The following DNM1 variants were observed in gnomAD, a reference collection of about 807,000 sequenced individuals.
DNM1 encodes dynamin-1.
Under a neutral mutation model 104.6 loss-of-function variants are expected in DNM1, and 29 were observed. The observed-to-expected ratio is 0.28, with a 90% CI of 0.21 to 0.38. DNM1 has a LOEUF of 0.38. Ranked by LOEUF, DNM1 falls within the 10% of genes least tolerant of loss-of-function variation. The pLI, the probability that DNM1 is intolerant of heterozygous loss-of-function variation, is 1.00. For synonymous variants in DNM1, 445 were observed against 475.8 expected (o/e 0.94, Z 0.84); for missense variants, 640 against 1,189.4 (o/e 0.54, Z 6.79).
intron 1 of DNM1, among the ~76,000 whole-genome samples, chr9:128,213,109 T>C (rs1834401616): frequency 1.3e-5 from 2 of 152,262 alleles, no homozygotes; most frequent in South Asian, 4.1e-4. Context: ...TGAGATAGAG[T>C]CTCACTCTGT....
At chr9:128,205,075 G>A (rs1393385732) in intron 1 of DNM1, among the ~76,000 whole-genome samples, 2 of 152,154 alleles carry the variant, frequency 1.3e-5, no homozygotes, top group Admixed American at 1.3e-4. Context: ...TGCCCATCTG[G>A]TCAGCAGAGG....
intron 11 of DNM1, among the ~76,000 whole-genome samples, chr9:128,234,327 C>T (rs1835878029): frequency 6.6e-6 from 1 of 152,246 alleles, no homozygotes; most frequent in Non-Finnish European, 1.5e-5. Flanking sequence ...TTCAGTGGCA[C>T]TAAGTACATT....
At chr9:128,209,458 T>C (rs1834164170) in intron 1 of DNM1, among the ~76,000 whole-genome samples, 1 of 151,956 alleles carries the variant, frequency 6.6e-6, no homozygotes, top group South Asian at 2.1e-4. Context: ...CTGTCAGGCG[T>C]GGAGAAACGG....
chr9:128,221,725 G>T (rs1191333115), intron 6 of DNM1, among the ~76,000 whole-genome samples: 1 of 151,934 alleles, frequency 6.6e-6, no homozygotes, highest in Non-Finnish European at 1.5e-5. Flanking sequence ...GCGAAAACCT[G>T]TACTAAAAAT....
At position 128,224,846 on chromosome 9, in the gene DNM1, T is replaced by A. The variant is rs971157292; in HGVS notation, c.1335+457T>A. 1.3e-5 allele frequency among the ~76,000 whole-genome samples: 2 copies of A among 152,130 alleles called. No homozygotes were observed. Among genetic ancestry groups the A allele is most frequent in the Non-Finnish European group, 1.5e-5 (1 of 68,002 alleles). On this transcript the variant is annotated intron_variant, in intron 10 of 21. Transcript: ENST00000372923. This position sits in a 1 kb window ranked among gnomAD's most constrained non-coding sequence, Gnocchi z 4.3. ...AGAGGGGGTGCAGAGGACCCAGGAC[T>A]AGCAGGTGCCCTGGCTCCCCGCTGT...
Position 128,203,611 on chromosome 9 carries a change from G to T in DNM1, c.141G>T (p.Val47=), listed in dbSNP as rs1269297218. ...VGGQSAGKSS[V]LENFVGRDFL... is the part of the protein sequence containing the mutation. ...GCCAGAGCGCCGGCAAGAGCTCGGT[G>T]CTCGAGAATTTCGTAGGCAGGTAGG... Residue 47 remains valine (V), a synonymous_variant, in exon 1 of 22, where the codon GTG becomes GTT. Coordinates refer to ENST00000372923, the MANE Select transcript of DNM1 (RefSeq NM_004408.4). This position sits in a 1 kb window ranked among gnomAD's most constrained non-coding sequence, Gnocchi z 5.3. 6 of 1,542,448 alleles carry T rather than the reference G, an allele frequency of 3.9e-6. No individual in the cohort carries two copies. The highest frequency in any genetic ancestry group is 1.9e-5 in the Admixed American group (1 of 51,418).
Position 128,247,514 on chromosome 9 carries a change from G to C in DNM1, c.1893+28G>C. On this transcript the variant is annotated intron_variant, in intron 17 of 21. Coordinates refer to ENST00000372923, the MANE Select transcript of DNM1 (RefSeq NM_004408.4). The surrounding 1 kb of genome is among the most constrained non-coding windows in gnomAD (Gnocchi z 5.1). ...GAGTGGCAGGGCAAGGAGAGGAAGG[G>C]CAAGCATGATCCTAGGGCCCCTGGG... The C allele has an allele frequency of 6.5e-7, 1 of 1,548,396 alleles. No homozygotes were observed. The highest frequency in any genetic ancestry group is 8.9e-7 in the Non-Finnish European group (1 of 1,125,612).
intron 15 of DNM1, among the ~76,000 whole-genome samples, chr9:128,242,826 G>A (rs1836459506): frequency 6.6e-6 from 1 of 152,190 alleles, no homozygotes; most frequent in African/African-American, 2.4e-5. Flanking sequence ...TGGGGGTTCA[G>A]GGGGAGGCAC....
At chr9:128,244,726 G>A (rs1836648692) in intron 15 of DNM1, 1 of 532,508 alleles carries the variant, frequency 1.9e-6, no homozygotes, top group Non-Finnish European at 3.9e-6. Context: ...CGGTGCCGAG[G>A]GTCTAACCCA....
chr9:128,234,241 ACT>A (rs1455347379), intron 11 of DNM1, 134 bp downstream of exon 11: 6 of 697,036 alleles, frequency 8.6e-6, no homozygotes, highest in South Asian at 7.8e-5. Context: ...TCTCATACTG[ACT>A]CTCTGCTTCT....
chr9:128,236,991 T>C (rs1836055021), intron 11 of DNM1, among the ~76,000 whole-genome samples: 1 of 152,254 alleles, frequency 6.6e-6, no homozygotes, highest in Admixed American at 6.5e-5. Flanking sequence ...CCTTGCCTTT[T>C]TCCTCTGAAG....
rs77280598 is a variant in DNM1 at position 128,243,524 on chromosome 9, G to C, written c.1671+1179G>C. Among the ~76,000 whole-genome samples the C allele has an allele frequency of 6.6e-6, 1 of 152,356 alleles. No homozygotes were observed. Among genetic ancestry groups the C allele is most frequent in the South Asian group, 2.1e-4 (1 of 4,834 alleles). On this transcript the variant is annotated intron_variant, in intron 15 of 21. Transcript: ENST00000372923. This position sits in a 1 kb window ranked among gnomAD's most constrained non-coding sequence, Gnocchi z 4.0. ...GGAGGGGCCCTCTGTCGTCACTGGC[G>C]GGGGCGCCAAGCCATCTGGACCTCA...
intron 1 of DNM1, among the ~76,000 whole-genome samples, chr9:128,215,051 C>T (rs1339465824): frequency 1.3e-5 from 2 of 152,248 alleles, no homozygotes; most frequent in East Asian, 1.9e-4. Flanking sequence ...ACGCCTACTA[C>T]GTGCGGGGCC....
At chr9:128,239,636 G>GTTAACCC in intron 12 of DNM1, 92 bp from the exon 13 acceptor site, 1 of 1,298,580 alleles carries the variant, frequency 7.7e-7, no homozygotes. Flanking sequence ...GGTCTGCTAG[G>GTTAACCC]TTAACCCTCT....
At chr9:128,234,222 C>G in intron 11 of DNM1, 115 bp downstream of exon 11, 1 of 808,468 alleles carries the variant, frequency 1.2e-6, no homozygotes, top group South Asian at 1.8e-5. Flanking sequence ...CTGTCTCAGT[C>G]TTCCTCTGTC....
chr9:128,211,810 G>A (rs967604190), intron 1 of DNM1, among the ~76,000 whole-genome samples: 2 of 152,128 alleles, frequency 1.3e-5, no homozygotes, highest in African/African-American at 4.8e-5. Context: ...TGTGGGGTGG[G>A]GCTTTGTTTT....
In DNM1 at chr9:128,238,763, C is replaced by G. The variant is rs565155061; in HGVS notation, c.1423-682C>G. 5.3e-5 allele frequency among the ~76,000 whole-genome samples: 8 copies of G among 151,498 alleles called. No individual in the cohort carries two copies. In the East Asian group the frequency reaches 1.4e-3, roughly 26 times the overall value. The stretch of plus-strand genomic sequence containing the variant: ...CTCCGCCTCCTGGGCTCACACCATT[C>G]TCCTGCCTCAGCCTCCCAAGTAGCT... On this transcript the variant is annotated intron_variant, in intron 11 of 21. Coordinates refer to ENST00000372923, the MANE Select transcript of DNM1 (RefSeq NM_004408.4).
At position 128,218,947 on chromosome 9, in the gene DNM1, C is replaced by A; in HGVS notation, c.386-102C>A. The A allele has an allele frequency of 7.2e-7, 1 of 1,394,068 alleles. No individual in the cohort carries two copies. Among genetic ancestry groups the A allele is most frequent in the Non-Finnish European group, 9.8e-7 (1 of 1,016,836 alleles). 86.4% of individuals were successfully genotyped at this position (1,394,068 alleles called of 1,614,324 possible). On this transcript the variant is annotated intron_variant, in intron 3 of 21. Coordinates refer to ENST00000372923, the MANE Select transcript of DNM1 (RefSeq NM_004408.4). The surrounding 1 kb of genome is among the most constrained non-coding windows in gnomAD (Gnocchi z 4.8). ...GAGATTTCCTAGTCCCACCCACCTGCCACCCTGCTCCCAAGCAGCTTCTCT... is the reference window on the plus strand; with the variant it reads ...GAGATTTCCTAGTCCCACCCACCTGACACCCTGCTCCCAAGCAGCTTCTCT...
chr9:128,234,689 A>G (rs1046628105), intron 11 of DNM1: 1 of 151,466 alleles, frequency 6.6e-6, no homozygotes, highest in Non-Finnish European at 1.5e-5. Context: ...AACTCTTTTC[A>G]TCTTGCAAAA....
Sources: allele counts gnomAD v4.1 joint callset (sites outside exome capture counted in the v4.1 genomes callset), GRCh38; gene constraint gnomAD v4.1.1; non-coding constraint Gnocchi (gnomAD v3.1); transcripts MANE v1.5; gene names NCBI Gene and HGNC (gene_info 2026-07-23, HGNC 2026-07-21).